DCAF12L2: variants seen among roughly 807,000 people sequenced by gnomAD.
DCAF12L2 encodes DDB1- and CUL4-associated factor 12-like protein 2.
DCAF12L2 carries 16 observed loss-of-function variants against 20.2 expected under a neutral mutation model. The observed-to-expected ratio is 0.79, with a 90% CI of 0.54 to 1.20. The LOEUF is 1.20. DCAF12L2 is among the 50% of genes most tolerant of loss of function. DCAF12L2 has a pLI of 0.00. For missense variants in DCAF12L2, 355 were observed against 404.8 expected (o/e 0.88, Z 1.06); for synonymous variants, 195 against 190.0 (o/e 1.03, Z -0.22).
chrX:126,164,890 G>A lies in DCAF12L2; in HGVS notation c.1035C>T (p.Cys345=), dbSNP rs768141399. The A allele has an allele frequency of 1.7e-5, 20 of 1,211,258 alleles. No homozygotes were observed. The highest frequency in any genetic ancestry group is 2.1e-5 in the Non-Finnish European group (19 of 895,452). ...RQRQQNIRPL[C]SREGGTGVRS... ...GCACGCCTGTGCCACCCTCTCGAGA[G>A]CACAGGGGCCGGATGTTCTGCTGGC... Residue 345 remains cysteine, a synonymous_variant, in exon 1 of 1, where the codon TGC becomes TGT. Transcript: ENST00000360028.
In DCAF12L2 at chrX:126,165,075, C is replaced by T; in HGVS notation, c.850G>A (p.Gly284Ser). ...NQELGAVSLD[G>S]YFHLWKARST... ...CGGGCTTTCCACAGGTGGAAGTAGC[C>T]GTCCAAGGACACCGCTCCCAGCTCC... Residue 284 changes from glycine to serine, a missense_variant, in exon 1 of 1, where the codon GGC (glycine) becomes AGC (serine). Physicochemically the swap from Gly to Ser is moderately conservative, Grantham distance 56. Coordinates refer to ENST00000360028, the MANE Select transcript of DCAF12L2 (RefSeq NM_001013628.3). The T allele has an allele frequency of 8.3e-7, 1 of 1,211,863 alleles. No homozygotes were observed. Among genetic ancestry groups the T allele is most frequent in the Non-Finnish European group, 1.1e-6 (1 of 895,414 alleles).
Position 126,164,762 on chromosome X carries a change from G to A in DCAF12L2, c.1163C>T (p.Ser388Phe). 1 of 1,212,556 alleles carries A rather than the reference G, an allele frequency of 8.2e-7. No individual in the cohort carries two copies. Among genetic ancestry groups the A allele is most frequent in the Non-Finnish European group, 1.1e-6 (1 of 895,645 alleles). The change falls in exon 1 of 1, where the codon TCT (serine) becomes TTT (phenylalanine). Residue 388 changes from serine to phenylalanine, a missense_variant. Ser to Phe is a radical substitution (Grantham distance 155, BLOSUM62 -2). Transcript: ENST00000360028. ...RAQKFLEERA[S>F]SSLDSMPGPA... ...CCCCGGCATGGAGTCCAGGCTGGAA[G>A]AGGCCCTCTCCTCCAGGAACTTCTG... is the stretch of plus-strand genomic sequence containing the variant.
chrX:126,164,154 C>G lies in DCAF12L2; in HGVS notation c.*379G>C, dbSNP rs1330098111. On this transcript the variant is annotated 3_prime_UTR_variant, in exon 1 of 1. Transcript: ENST00000360028. ...GAACACTATTGCAATATTGATAAAA[C>G]TAACGTACTGAATAGTAGTGAAGAC... 1 of 158,401 alleles carries G rather than the reference C, an allele frequency of 6.3e-6. No homozygotes were observed. The highest frequency in any genetic ancestry group is 7.5e-5 in the Admixed American group (1 of 13,309). 13.1% of individuals were successfully genotyped at this position (158,401 alleles called of 1,213,427 possible). A position where few individuals can be genotyped will look rare whatever the true frequency, so the allele number is the denominator to read the frequency against.
rs1371386668 is a variant in DCAF12L2, at chrX:126,165,226, C to A, written c.699G>T (p.Trp233Cys). The change falls in exon 1 of 1, where the codon TGG becomes TGT. Residue 233 changes from tryptophan (W) to cysteine (C), a missense_variant. Coordinates refer to ENST00000360028, the MANE Select transcript of DCAF12L2 (RefSeq NM_001013628.3). Reference protein sequence around the residue: ...DPDMFNGSIAWHSEVGLPVYA... With the variant: ...DPDMFNGSIACHSEVGLPVYA... ...ATACTGGGAGACCCACCTCGCTGTG[C>A]CAGGCAATGCTGCCATTAAACATGT... 8.3e-7 allele frequency: 1 copy of A among 1,210,820 alleles called. No individual in the cohort carries two copies. Among genetic ancestry groups the A allele is most frequent in the Non-Finnish European group, 1.1e-6 (1 of 895,295 alleles).
Position 126,165,938 on chromosome X carries a change from C to G in DCAF12L2, c.-14G>C. On this transcript the variant is annotated 5_prime_UTR_variant, in exon 1 of 1. Coordinates refer to ENST00000360028, the MANE Select transcript of DCAF12L2 (RefSeq NM_001013628.3). Reference sequence around the variant, plus strand: ...CTGCTGGGCCATGGTGGGCGGCGGGCGATCTGCAGCAGCGGCGGCGGCGGC... The same window carrying G: ...CTGCTGGGCCATGGTGGGCGGCGGGGGATCTGCAGCAGCGGCGGCGGCGGC... The G allele has an allele frequency of 6.5e-6, 7 of 1,084,028 alleles. No individual in the cohort carries two copies. Among genetic ancestry groups the G allele is most frequent in the Non-Finnish European group, 8.4e-6 (7 of 837,664 alleles). The allele number at this position is 1,084,028 out of a possible 1,213,427, so 89.3% of individuals were successfully genotyped here. A position where few individuals can be genotyped will look rare whatever the true frequency, so the allele number is the denominator to read the frequency against.
In DCAF12L2 at chrX:126,164,221, T is replaced by C. The variant is rs1417322128; in HGVS notation, c.*312A>G. The C allele has an allele frequency of 3.5e-6, 1 of 282,678 alleles. No individual in the cohort carries two copies. Among genetic ancestry groups the C allele is most frequent in the South Asian group, 1.2e-4 (1 of 8,581 alleles). 23.3% of individuals were successfully genotyped at this position (282,678 alleles called of 1,213,427 possible). On this transcript the variant is annotated 3_prime_UTR_variant, in exon 1 of 1. Coordinates refer to ENST00000360028, the MANE Select transcript of DCAF12L2 (RefSeq NM_001013628.3). ...TAAAGAAGGAGGGTATGTGAATCACTGAAAGACAGAACACAATTAAGGTTT... is the reference window on the plus strand; with the variant it reads ...TAAAGAAGGAGGGTATGTGAATCACCGAAAGACAGAACACAATTAAGGTTT...
Position 126,164,544 on chromosome X carries a change from G to A in DCAF12L2, c.1381C>T (p.Leu461Phe). ...CAAGGCGTCCATCCTTAACTCCAGA[G>A]GCCTGCGTAGTTCCCATGGAGGCCT... ...PSGLHGNYAG[L>F]WS is the part of the protein sequence containing the mutation. Residue 461 changes from leucine (L) to phenylalanine (F), a missense_variant, in exon 1 of 1, where the codon CTC (leucine) becomes TTC (phenylalanine). By Grantham distance (22) the Leu-to-Phe change is conservative (BLOSUM62 0). Coordinates refer to ENST00000360028, the MANE Select transcript of DCAF12L2 (RefSeq NM_001013628.3). 1 of 1,208,824 alleles carries A rather than the reference G, an allele frequency of 8.3e-7. No homozygotes were observed. Among genetic ancestry groups the A allele is most frequent in the Non-Finnish European group, 1.1e-6 (1 of 894,070 alleles).
Position 126,166,144 on chromosome X carries a change from G to A in DCAF12L2, c.-220C>T. 3.9e-6 allele frequency: 1 copy of A among 258,095 alleles called. No individual in the cohort carries two copies. The highest frequency in any genetic ancestry group is 5.4e-6 in the Non-Finnish European group (1 of 184,594). The allele number at this position is 258,095 out of a possible 1,213,427, so 21.3% of individuals were successfully genotyped here. A position where few individuals can be genotyped will look rare whatever the true frequency, so the allele number is the denominator to read the frequency against. ...TCTGAGGCTCGGCGGCGGCGGCGGC[G>A]GCAGCGGTCGTCCTGGCCAGAGATG... On this transcript the variant is annotated 5_prime_UTR_variant, in exon 1 of 1. Transcript: ENST00000360028.
rs756794381 is a variant in DCAF12L2 at position 126,165,534 on chromosome X, T to A, written c.391A>T (p.Thr131Ser). ...TTGTCCCGCATGAGGGGGATGCGCG[T>A]GATGTGGCCTGACTGCACGTCCACC... ...FVVDVQSGHI[T>S]RIPLMRDKEA... Residue 131 changes from threonine to serine, a missense_variant, in exon 1 of 1, where the codon ACG (threonine) becomes TCG (serine). Coordinates refer to ENST00000360028, the MANE Select transcript of DCAF12L2 (RefSeq NM_001013628.3). The A allele has an allele frequency of 2.5e-6, 3 of 1,211,160 alleles. No individual in the cohort carries two copies. In the African/African-American group the frequency reaches 5.2e-5, roughly 21 times the overall value.
rs1291925445 is a variant in DCAF12L2 at position 126,165,307 on chromosome X, G to A, written c.618C>T (p.Thr206=). The change falls in exon 1 of 1, where the codon ACC becomes ACT. Residue 206 remains threonine (T), a synonymous_variant. Transcript: ENST00000360028. ...WIFAVAWLSD[T]VAVSGSRDGT... is the part of the protein sequence containing the mutation. ...CGTCGCGGGAGCCGCTCACAGCTACGGTGTCACTCAGCCAGGCGACTGCGA... is the reference window on the plus strand; with the variant it reads ...CGTCGCGGGAGCCGCTCACAGCTACAGTGTCACTCAGCCAGGCGACTGCGA... 16 of 1,211,503 alleles carry A rather than the reference G, an allele frequency of 1.3e-5. No individual in the cohort carries two copies. Among genetic ancestry groups the A allele is most frequent in the East Asian group, 8.9e-5 (3 of 33,773 alleles).
rs1484098223 is a variant in DCAF12L2, at chrX:126,164,604, T to C, written c.1321A>G (p.Met441Val). The stretch of plus-strand genomic sequence containing the variant: ...GGCCCCCCAGCCACAAAGAGCTTCA[T>C]CTCCGGCCAGTTGTAGCAGTGGGTG... ...LYTHCYNWPE[M>V]KLFVAGGPLP... Residue 441 changes from methionine (M) to valine (V), a missense_variant, in exon 1 of 1, where the codon ATG becomes GTG. Transcript: ENST00000360028. The C allele has an allele frequency of 8.2e-7, 1 of 1,212,140 alleles. No individual in the cohort carries two copies. The highest frequency in any genetic ancestry group is 3.0e-5 in the East Asian group (1 of 33,833).
Position 126,165,439 on chromosome X carries a change from C to A in DCAF12L2, c.486G>T (p.Thr162=). ...GGTTTTCGCCGCCGGTGGCCAGAAG[C>A]GTCTTGGAGGGATTCAGCTCGATGG... ...IHAIELNPSK[T]LLATGGENPN... Residue 162 remains threonine (T), a synonymous_variant, in exon 1 of 1, where the codon ACG becomes ACT. Transcript: ENST00000360028. 8.3e-7 allele frequency: 1 copy of A among 1,212,015 alleles called. No individual in the cohort carries two copies. The highest frequency in any genetic ancestry group is 1.1e-6 in the Non-Finnish European group (1 of 895,476).
chrX:126,164,537 C>G lies in DCAF12L2; in HGVS notation c.1388G>C (p.Ser463Thr), dbSNP rs1224208620. The G allele has an allele frequency of 8.3e-7, 1 of 1,204,615 alleles. No individual in the cohort carries two copies. The highest frequency in any genetic ancestry group is 1.1e-6 in the Non-Finnish European group (1 of 892,146). ...GLHGNYAGLW[S>T] ...TTGAGAACAAGGCGTCCATCCTTAA[C>G]TCCAGAGGCCTGCGTAGTTCCCATG... The change falls in exon 1 of 1, where the codon AGT becomes ACT. Residue 463 changes from serine (S) to threonine (T), a missense_variant. Transcript: ENST00000360028.
chrX:126,165,106 C>T lies in DCAF12L2; in HGVS notation c.819G>A (p.Lys273=). The change falls in exon 1 of 1, where the codon AAG becomes AAA. Residue 273 remains lysine, a synonymous_variant. Transcript: ENST00000360028. ...AGGACACCGCTCCCAGCTCCTGGTT[C>T]TTGCCGCTGAAGGCCAGGGCCCGTA... The part of the protein sequence containing the change: ...RKVRALAFSG[K]NQELGAVSLD... 8.3e-7 allele frequency: 1 copy of T among 1,211,812 alleles called. No homozygotes were observed. Among genetic ancestry groups the T allele is most frequent in the Non-Finnish European group, 1.1e-6 (1 of 895,322 alleles).
Position 126,164,400 on chromosome X carries a change from C to G in DCAF12L2, c.*133G>C, listed in dbSNP as rs1217423394. The G allele has an allele frequency of 3.0e-5, 25 of 822,934 alleles. No homozygotes were observed. The highest frequency in any genetic ancestry group is 3.7e-5 in the Non-Finnish European group (22 of 590,266). 67.8% of individuals were successfully genotyped at this position (822,934 alleles called of 1,213,427 possible). On this transcript the variant is annotated 3_prime_UTR_variant, in exon 1 of 1. Transcript: ENST00000360028. ...CTTTCTCTGCCTAATACATTAAGCA[C>G]ACGTAAGTTGGACTGGTTCCACCTG...
In DCAF12L2 at chrX:126,165,351, C is replaced by T. The variant is rs1264411172; in HGVS notation, c.574G>A (p.Gly192Ser). The change falls in exon 1 of 1, where the codon GGC becomes AGC. Residue 192 changes from glycine to serine, a missense_variant. Physicochemically the swap from Gly to Ser is moderately conservative, Grantham distance 56 (BLOSUM62 0). Transcript: ENST00000360028. Reference sequence around the variant, plus strand: ...ACTGCGAAGATCCAGTCCTTGTGGCCATGGCGGTCGCCCAGGCACAGGGGG... The same window carrying T: ...ACTGCGAAGATCCAGTCCTTGTGGCTATGGCGGTCGCCCAGGCACAGGGGG... ...LDPLCLGDRH[G>S]HKDWIFAVAW... 19 of 1,212,153 alleles carry T rather than the reference C, an allele frequency of 1.6e-5. No homozygotes were observed. Among genetic ancestry groups the T allele is most frequent in the Non-Finnish European group, 2.0e-5 (18 of 895,630 alleles).
Position 126,164,567 on chromosome X carries a change from C to T in DCAF12L2, c.1358G>A (p.Gly453Asp), listed in dbSNP as rs2147243664. The T allele has an allele frequency of 3.3e-6, 4 of 1,210,149 alleles. No homozygotes were observed. The highest frequency in any genetic ancestry group is 1.8e-5 in the South Asian group (1 of 56,760). The part of the protein sequence containing the change: ...LFVAGGPLPS[G>D]LHGNYAGLWS ...GAGGCCTGCGTAGTTCCCATGGAGG[C>T]CTGAAGGGAGAGGCCCCCCAGCCAC... Residue 453 changes from glycine (G) to aspartate (D), a missense_variant, in exon 1 of 1, where the codon GGC (glycine) becomes GAC (aspartate). Transcript: ENST00000360028.
rs759490825 is a variant in DCAF12L2 at position 126,166,191 on chromosome X, C to T, written c.-267G>A. On this transcript the variant is annotated 5_prime_UTR_variant, in exon 1 of 1. Coordinates refer to ENST00000360028, the MANE Select transcript of DCAF12L2 (RefSeq NM_001013628.3). ...GATGCGCGGCCTGACGTAGCAGAGC[C>T]GGGGCGAAGCGCGGCGGCAAGGGCG... 2.9e-5 allele frequency: 4 copies of T among 140,329 alleles called. No homozygotes were observed. In the East Asian group the frequency reaches 1.1e-3, roughly 38 times the overall value. The allele number at this position is 140,329 out of a possible 1,213,427, so 11.6% of individuals were successfully genotyped here.
rs771745138 is a variant in DCAF12L2, at chrX:126,165,096, G to C, written c.829C>G (p.Leu277Val). 6.6e-6 allele frequency: 8 copies of C among 1,212,039 alleles called. No individual in the cohort carries two copies. The highest frequency in any genetic ancestry group is 2.2e-5 in the Admixed American group (1 of 46,146). The stretch of plus-strand genomic sequence containing the variant: ...TAGCCGTCCAAGGACACCGCTCCCA[G>C]CTCCTGGTTCTTGCCGCTGAAGGCC... ...ALAFSGKNQELGAVSLDGYFH... is the reference protein window; with the variant it reads ...ALAFSGKNQEVGAVSLDGYFH... The change falls in exon 1 of 1, where the codon CTG (leucine) becomes GTG (valine). Residue 277 changes from leucine to valine, a missense_variant. Transcript: ENST00000360028.
Sources: allele counts gnomAD v4.1 joint callset, GRCh38; gene constraint gnomAD v4.1.1; transcripts MANE v1.5; gene names NCBI Gene and HGNC (gene_info 2026-07-23, HGNC 2026-07-21).